Variants in CCR9 observed in about 807,000 individuals in gnomAD.
CCR9 encodes the protein C-C motif chemokine receptor 9.
CCR9 carries 4 observed loss-of-function variants against 8.7 expected under a neutral mutation model. That is an observed-to-expected ratio of 0.46 (90% confidence interval 0.23 to 1.06). CCR9 has a LOEUF of 1.06. Ranked by LOEUF, CCR9 falls within the 50% of genes least tolerant of loss-of-function variation. The probability of loss-of-function intolerance (pLI) is 0.21; values close to 1 mark genes in which losing one functional copy is unlikely to be tolerated. For synonymous variants in CCR9, 159 were observed against 168.8 expected (o/e 0.94, Z 0.45); for missense variants, 394 against 453.6 (o/e 0.87, Z 1.19).
At chr3:45,895,142 A>G in intron 2 of CCR9, 188 bp downstream of exon 2, 1 of 639,632 alleles carries the variant, frequency 1.6e-6, no homozygotes, top group Admixed American at 2.6e-5. Context: ...AAATGCAAAG[A>G]GGCAGCTATG....
At chr3:45,890,262 TATATATA>T (rs1702108770) in intron 1 of CCR9, among the ~76,000 whole-genome samples, 1 of 1,414 alleles carries the variant, frequency 7.1e-4, no homozygotes, top group Non-Finnish European at 7.8e-3. Context: ...ATTAGAAATA[TATATATA>T]ACATATATAT....
intron 1 of CCR9, among the ~76,000 whole-genome samples, chr3:45,894,212 C>T (rs1195789652): frequency 6.6e-6 from 1 of 152,134 alleles, no homozygotes; most frequent in Non-Finnish European, 1.5e-5. Context: ...GTTCCGAGGC[C>T]CTGTGCATTA....
At position 45,893,157 on chromosome 3, in the gene CCR9, C is replaced by CT. The variant is rs57214739; in HGVS notation, c.-28-1738dup. Among the ~76,000 whole-genome samples the CT allele has an allele frequency of 4.9e-3, 719 of 145,422 alleles. 5 individuals are homozygous for CT. Among genetic ancestry groups the CT allele is most frequent in the Middle Eastern group, 0.011 (3 of 282 alleles). ...ACTCCCCTTCCCTCTCTCTCTCTCT[C>CT]TTTTTTTTTTTGTTTGAGATGGAGT... On this transcript the variant is annotated intron_variant, in intron 1 of 2. Transcript: ENST00000357632.
At chr3:45,889,166 G>T (rs1413665990) in intron 1 of CCR9, among the ~76,000 whole-genome samples, 1 of 151,974 alleles carries the variant, frequency 6.6e-6, no homozygotes, top group Non-Finnish European at 1.5e-5. Flanking sequence ...TAAATTTTTT[G>T]TAGAGATGGG....
In CCR9 at chr3:45,901,682, C is replaced by T. The variant is rs1485981501; in HGVS notation, c.894C>T (p.Cys298=). Residue 298 remains cysteine (C), a synonymous_variant, in exon 3 of 3, where the codon TGC becomes TGT. Transcript: ENST00000357632. The surrounding 1 kb of genome is among the most constrained non-coding windows in gnomAD (Gnocchi z 4.3). Reference sequence around the variant, plus strand: ...CCGTTTCCACCAACATTGACATCTGCTTCCAGGTCACCCAGACCATCGCCT... The same window carrying T: ...CCGTTTCCACCAACATTGACATCTGTTTCCAGGTCACCCAGACCATCGCCT... ...NCAVSTNIDI[C]FQVTQTIAFF... is the part of the protein sequence containing the mutation. 2.5e-6 allele frequency: 4 copies of T among 1,613,942 alleles called. No homozygotes were observed. Among genetic ancestry groups the T allele is most frequent in the Non-Finnish European group, 3.4e-6 (4 of 1,179,882 alleles).
At position 45,900,367 on chromosome 3, in the gene CCR9, T is replaced by G. The variant is rs868768375; in HGVS notation, c.22-443T>G. 7.9e-5 allele frequency among the ~76,000 whole-genome samples: 12 copies of G among 152,272 alleles called. No homozygotes were observed. Among genetic ancestry groups the G allele is most frequent in the South Asian group, 6.2e-4 (3 of 4,822 alleles). ...ATGAGTTTAAGAGCCCTTGCTAACC[T>G]TTTTAGGGTCAGTGAAAAACTGAAT... On this transcript the variant is annotated intron_variant, in intron 2 of 2. Coordinates refer to ENST00000357632, the MANE Select transcript of CCR9 (RefSeq NM_031200.3). This position sits in a 1 kb window ranked among gnomAD's most constrained non-coding sequence, Gnocchi z 4.7.
intron 1 of CCR9, among the ~76,000 whole-genome samples, chr3:45,887,852 C>T (rs1156580683): frequency 6.6e-6 from 1 of 152,186 alleles, no homozygotes; most frequent in Non-Finnish European, 1.5e-5. Context: ...CTCAGAGACC[C>T]TGCCTCGTGT....
chr3:45,899,305 C>T (rs1336731688), intron 2 of CCR9, among the ~76,000 whole-genome samples: 1 of 152,202 alleles, frequency 6.6e-6, no homozygotes, highest in Non-Finnish European at 1.5e-5. Context: ...CCACCTAAAA[C>T]ATGGTTTGGG....
At position 45,901,815 on chromosome 3, in the gene CCR9, T is replaced by C. The variant is rs758696364; in HGVS notation, c.1027T>C (p.Trp343Arg). The C allele has an allele frequency of 6.2e-7, 1 of 1,614,048 alleles. No homozygotes were observed. The highest frequency in any genetic ancestry group is 8.5e-7 in the Non-Finnish European group (1 of 1,179,926). The change falls in exon 3 of 3, where the codon TGG becomes CGG. Residue 343 changes from tryptophan (W) to arginine (R), a missense_variant. Trp to Arg is a moderately radical substitution (Grantham distance 101, BLOSUM62 -3). Transcript: ENST00000357632. This position sits in a 1 kb window ranked among gnomAD's most constrained non-coding sequence, Gnocchi z 4.3. ...KNLGCISQAQWVSFTRREGSL... is the reference protein window; with the variant it reads ...KNLGCISQAQRVSFTRREGSL... ...CTTGGGTTGCATCAGCCAGGCCCAG[T>C]GGGTTTCATTTACAAGGAGAGAGGG...
chr3:45,888,227 T>G (rs537320222), intron 1 of CCR9, among the ~76,000 whole-genome samples: 2 of 152,332 alleles, frequency 1.3e-5, no homozygotes, highest in Admixed American at 6.5e-5. Flanking sequence ...CTTTCATGCC[T>G]TAGTGCATAT....
At chr3:45,894,702 T>G (rs552457935) in intron 1 of CCR9, among the ~76,000 whole-genome samples, 1 of 152,334 alleles carries the variant, frequency 6.6e-6, no homozygotes. Context: ...GAATGATAAC[T>G]TCAAAGGAGA....
Position 45,894,946 on chromosome 3 carries a change from G to T in CCR9, c.13G>T (p.Asp5Tyr), listed in dbSNP as rs1401310185. The change falls in exon 2 of 3, where the codon GAC becomes TAC. Residue 5 changes from aspartate to tyrosine, a missense_variant. Transcript: ENST00000357632. ...TGACTGACCCACCATGACACCCACA[G>T]ACTTCACAGTGAGTACAGCCGTGCT... MTPT[D>Y]FTSPIPNMAD... The T allele has an allele frequency of 3.7e-6, 6 of 1,613,962 alleles. No homozygotes were observed. In the South Asian group the frequency reaches 6.6e-5, roughly 18 times the overall value.
intron 1 of CCR9, among the ~76,000 whole-genome samples, chr3:45,887,883 AT>A (rs1702030851): frequency 6.6e-6 from 1 of 151,432 alleles, no homozygotes; most frequent in South Asian, 2.1e-4. Flanking sequence ...AAGCAGAGCT[AT>A]GAAAAAATGT....
chr3:45,897,775 C>T (rs1702405131), intron 2 of CCR9: 3 of 589,154 alleles, frequency 5.1e-6, no homozygotes, highest in Non-Finnish European at 8.9e-6. Flanking sequence ...TCTTCCTTGT[C>T]TGTCTTCCTC....
chr3:45,902,829 A>C lies in CCR9; in HGVS notation c.*931A>C, dbSNP rs1369488552. The C allele has an allele frequency of 6.0e-6, 1 of 167,068 alleles. No individual in the cohort carries two copies. The highest frequency in any genetic ancestry group is 2.4e-5 in the African/African-American group (1 of 41,442). 10.3% of individuals were successfully genotyped at this position (167,068 alleles called of 1,614,324 possible). A position where few individuals can be genotyped will look rare whatever the true frequency, so the allele number is the denominator to read the frequency against. ...TCTGAGGCCCACTTTATTCTGAGGA[A>C]TACAGTGAGCAGATATGGGCAGCAG... On this transcript the variant is annotated 3_prime_UTR_variant, in exon 3 of 3. Coordinates refer to ENST00000357632, the MANE Select transcript of CCR9 (RefSeq NM_031200.3).
rs771231077 is a variant in CCR9 at position 45,897,552 on chromosome 3, C to T, written c.21+2598C>T. 24 of 1,528,710 alleles carry T rather than the reference C, an allele frequency of 1.6e-5. No individual in the cohort carries two copies. The South Asian group carries it at 2.7e-4, about 17-fold the overall frequency. The allele number at this position is 1,528,710 out of a possible 1,614,324, so 94.7% of individuals were successfully genotyped here. ...TTTCTGCACAATTTCTCCCATTCTGCTCCTGCAGTCTCCTCCAGGCCCCGC... is the reference window on the plus strand; with the variant it reads ...TTTCTGCACAATTTCTCCCATTCTGTTCCTGCAGTCTCCTCCAGGCCCCGC... On this transcript the variant is annotated intron_variant, in intron 2 of 2. Coordinates refer to ENST00000357632, the MANE Select transcript of CCR9 (RefSeq NM_031200.3).
At chr3:45,895,078 T>G in intron 2 of CCR9, 124 bp downstream of exon 2, 1 of 1,012,078 alleles carries the variant, frequency 9.9e-7, no homozygotes, top group Non-Finnish European at 1.6e-6. Flanking sequence ...GTAAGATCTC[T>G]GCCTGGCAAT....
In CCR9 at chr3:45,901,690, T is replaced by C; in HGVS notation, c.902T>C (p.Val301Ala). ...ACCAACATTGACATCTGCTTCCAGGTCACCCAGACCATCGCCTTCTTCCAC... is the reference window on the plus strand; with the variant it reads ...ACCAACATTGACATCTGCTTCCAGGCCACCCAGACCATCGCCTTCTTCCAC... Reference protein sequence around the residue: ...VSTNIDICFQVTQTIAFFHSC... With the variant: ...VSTNIDICFQATQTIAFFHSC... The change falls in exon 3 of 3, where the codon GTC becomes GCC. Residue 301 changes from valine to alanine, a missense_variant. By Grantham distance (64) the Val-to-Ala change is moderately conservative. Transcript: ENST00000357632. The surrounding 1 kb of genome is among the most constrained non-coding windows in gnomAD (Gnocchi z 4.3). 6.2e-7 allele frequency: 1 copy of C among 1,614,084 alleles called. No individual in the cohort carries two copies. Among genetic ancestry groups the C allele is most frequent in the Non-Finnish European group, 8.5e-7 (1 of 1,179,928 alleles).
chr3:45,890,845 G>A (rs905560802), intron 1 of CCR9, among the ~76,000 whole-genome samples: 6 of 152,208 alleles, frequency 3.9e-5, no homozygotes, highest in African/African-American at 1.2e-4. Context: ...AGCCCCTGTC[G>A]GAATGCCAGG....
Sources: allele counts gnomAD v4.1 joint callset (sites outside exome capture counted in the v4.1 genomes callset), GRCh38; gene constraint gnomAD v4.1.1; non-coding constraint Gnocchi (gnomAD v3.1); transcripts MANE v1.5; gene names NCBI Gene and HGNC (gene_info 2026-07-23, HGNC 2026-07-21).